NCAM2: variants seen among roughly 807,000 people sequenced by gnomAD.
NCAM2 encodes the protein neural cell adhesion molecule 2, also known as N-CAM-2.
NCAM2 carries 30 observed loss-of-function variants against 98.1 expected under a neutral mutation model. That is an observed-to-expected ratio of 0.31 (90% CI 0.23 to 0.41). The LOEUF is 0.41. NCAM2 is among the 10% of genes least tolerant of loss of function. The pLI is 1.00. For missense variants in NCAM2, 867 were observed against 1,005.8 expected, an observed-to-expected ratio of 0.86 and a Z score of 1.87; for synonymous variants, 368 against 342.4, an observed-to-expected ratio of 1.07 and a Z score of -0.83.
chr21:21,265,310 C>A (rs2072193916), intron 1 of NCAM2, among the ~76,000 whole-genome samples: 1 of 126,122 alleles, frequency 7.9e-6, no homozygotes, highest in African/African-American at 2.9e-5. Context: ...TGTATACATA[C>A]ACGTATATAT....
chr21:21,160,693 A>C (rs2067756553), intron 1 of NCAM2, among the ~76,000 whole-genome samples: 1 of 151,980 alleles, frequency 6.6e-6, no homozygotes, highest in African/African-American at 2.4e-5. Context: ...TTGTGTATGC[A>C]AGACAATACT....
chr21:21,113,587 G>C (rs1001804214), intron 1 of NCAM2, among the ~76,000 whole-genome samples: 1 of 152,010 alleles, frequency 6.6e-6, no homozygotes, highest in Non-Finnish European at 1.5e-5. Context: ...AGATGACTGG[G>C]AAACTATGAT....
At chr21:21,496,224 A>C (rs1318753032) in intron 15 of NCAM2, among the ~76,000 whole-genome samples, 1 of 151,816 alleles carries the variant, frequency 6.6e-6, no homozygotes, top group African/African-American at 2.4e-5. Context: ...ACTAAGTTGC[A>C]TTCCCATCAA....
At chr21:21,103,579 C>A (rs2066286897) in intron 1 of NCAM2, among the ~76,000 whole-genome samples, 1 of 152,034 alleles carries the variant, frequency 6.6e-6, no homozygotes, top group African/African-American at 2.4e-5. Context: ...AAATGAACTT[C>A]AAAATTGCTA....
chr21:21,498,401 G>A (rs1987395593), intron 15 of NCAM2, among the ~76,000 whole-genome samples: 1 of 152,014 alleles, frequency 6.6e-6, no homozygotes, highest in Admixed American at 6.6e-5. Context: ...GACATTACTA[G>A]CATTACATAC....
At position 21,417,891 on chromosome 21, in the gene NCAM2, A is replaced by C. The variant is rs199598398; in HGVS notation, c.1384-582A>C. Among the ~76,000 whole-genome samples, 4 of 152,104 alleles carry C rather than the reference A, an allele frequency of 2.6e-5. No individual in the cohort carries two copies. The East Asian group carries it at 5.8e-4, about 22-fold the overall frequency. ...CACAGTATGTTCCTGGAAAGATTTC[A>C]TTAAGAATGATCCTTCCTCCTTCGT... On this transcript the variant is annotated intron_variant, in intron 10 of 17. Coordinates refer to ENST00000400546, the MANE Select transcript of NCAM2 (RefSeq NM_004540.5).
At chr21:21,427,958 T>C (rs546880782) in intron 11 of NCAM2, among the ~76,000 whole-genome samples, 1 of 152,244 alleles carries the variant, frequency 6.6e-6, no homozygotes, top group Admixed American at 6.5e-5. Context: ...CCAACAACAC[T>C]CGCCGTCGTA....
At chr21:21,253,603 C>T (rs530185058) in intron 1 of NCAM2, among the ~76,000 whole-genome samples, 1 of 152,250 alleles carries the variant, frequency 6.6e-6, no homozygotes, top group East Asian at 1.9e-4. Context: ...TTTGACTTGC[C>T]AGCCTTCAAA....
intron 3 of NCAM2, among the ~76,000 whole-genome samples, chr21:21,284,776 C>A (rs1471526623): frequency 6.7e-6 from 1 of 149,900 alleles, no homozygotes; most frequent in Non-Finnish European, 1.5e-5. Flanking sequence ...ACAGCACTGA[C>A]CATTGTAGAA....
Position 21,533,883 on chromosome 21 carries a change from G to A in NCAM2, c.2283-654G>A, listed in dbSNP as rs185164502. Among the ~76,000 whole-genome samples, 19 of 151,866 alleles carry A rather than the reference G, an allele frequency of 1.3e-4. No homozygotes were observed. The East Asian group carries it at 3.7e-3, about 29-fold the overall frequency. ...AAAATTTGATAAAGACGACATTGGA[G>A]GATGAAGTTATAAATGAAAAGATAT... On this transcript the variant is annotated intron_variant, in intron 16 of 17. Coordinates refer to ENST00000400546, the MANE Select transcript of NCAM2 (RefSeq NM_004540.5).
intron 1 of NCAM2, among the ~76,000 whole-genome samples, chr21:21,266,342 C>T (rs1215020864): frequency 1.3e-5 from 2 of 151,998 alleles, no homozygotes; most frequent in Non-Finnish European, 2.9e-5. Flanking sequence ...CTGAGAATGA[C>T]CATGAGGTTT....
chr21:21,125,885 G>A (rs2066810789), intron 1 of NCAM2, among the ~76,000 whole-genome samples: 1 of 151,180 alleles, frequency 6.6e-6, no homozygotes. Context: ...GATTTCATGG[G>A]AAGAAATGAT....
chr21:21,507,600 T>C (rs886843881), intron 15 of NCAM2, among the ~76,000 whole-genome samples: 7 of 151,982 alleles, frequency 4.6e-5, no homozygotes, highest in African/African-American at 1.4e-4. Context: ...GAGACCATCC[T>C]GGCTAACACG....
intron 1 of NCAM2, among the ~76,000 whole-genome samples, chr21:21,242,701 A>G (rs2071109817): frequency 1.3e-5 from 2 of 152,214 alleles, no homozygotes; most frequent in Non-Finnish European, 2.9e-5. Context: ...CATTGTGTAT[A>G]TAAGACCACA....
chr21:21,542,008 A>G lies in NCAM2; in HGVS notation c.*4051A>G, dbSNP rs984654433. 2 of 151,938 alleles carry G rather than the reference A, an allele frequency of 1.3e-5. No homozygotes were observed. The highest frequency in any genetic ancestry group is 4.8e-5 in the African/African-American group (2 of 41,440). 9.4% of individuals were successfully genotyped at this position (151,938 alleles called of 1,614,324 possible). A position where few individuals can be genotyped will look rare whatever the true frequency, so the allele number is the denominator to read the frequency against. ...TTAGTCACTCACATTGAAATTGCAT[A>G]TGGATGTATCAACATAGGCTAAAAT... On this transcript the variant is annotated 3_prime_UTR_variant, in exon 18 of 18. Coordinates refer to ENST00000400546, the MANE Select transcript of NCAM2 (RefSeq NM_004540.5).
intron 12 of NCAM2, among the ~76,000 whole-genome samples, chr21:21,453,317 G>A (rs932001653): frequency 1.3e-5 from 2 of 151,316 alleles, no homozygotes; most frequent in African/African-American, 4.9e-5. Context: ...TGAAGTGAGG[G>A]CATGATCACA....
chr21:21,428,917 G>A (rs2077270498), intron 11 of NCAM2, among the ~76,000 whole-genome samples: 1 of 152,144 alleles, frequency 6.6e-6, no homozygotes, highest in African/African-American at 2.4e-5. Flanking sequence ...TTTGTTCTAT[G>A]TTACATGTAT....
At chr21:21,536,990 C>A (rs936952627) in intron 17 of NCAM2, among the ~76,000 whole-genome samples, 11 of 152,010 alleles carry the variant, frequency 7.2e-5, no homozygotes, top group East Asian at 1.9e-4. Flanking sequence ...AAAACATATA[C>A]AATAAATATT....
chr21:21,438,760 T>C (rs1400009726), intron 12 of NCAM2, among the ~76,000 whole-genome samples: 2 of 152,098 alleles, frequency 1.3e-5, no homozygotes, highest in African/African-American at 4.8e-5. Context: ...TTTTTTCAGT[T>C]TTCTTAATAC....
Sources: allele counts gnomAD v4.1 joint callset (sites outside exome capture counted in the v4.1 genomes callset), GRCh38; gene constraint gnomAD v4.1.1; transcripts MANE v1.5; gene names NCBI Gene and HGNC (gene_info 2026-07-23, HGNC 2026-07-21).